The following USP10 variants were observed in gnomAD, a reference collection of about 807,000 sequenced individuals.
The protein encoded by USP10 is ubiquitin carboxyl-terminal hydrolase 10.
USP10 carries 22 observed loss-of-function variants against 84.5 expected under a neutral mutation model. The observed-to-expected ratio is 0.26, with a 90% confidence interval of 0.19 to 0.37. USP10 has a LOEUF of 0.37. USP10 is among the 10% of genes least tolerant of loss of function. The pLI is 1.00. For synonymous variants in USP10, 454 were observed against 387.6 expected, an observed-to-expected ratio of 1.17 and a Z score of -2.01; for missense variants, 1,019 against 998.9, an observed-to-expected ratio of 1.02 and a Z score of -0.27.
intron 1 of USP10, among the ~76,000 whole-genome samples, chr16:84,700,321 C>T (rs1432391885): frequency 2.0e-5 from 3 of 151,996 alleles, no homozygotes; most frequent in Admixed American, 6.5e-5. Flanking sequence ...CCCCCTAGTC[C>T]CGGGGAGGTC....
intron 11 of USP10, among the ~76,000 whole-genome samples, chr16:84,770,257 G>C (rs529192380): frequency 2.2e-3 from 335 of 152,288 alleles, no homozygotes; most frequent in Non-Finnish European, 3.3e-3. Flanking sequence ...AGATGTTTCA[G>C]GAAGATTTGG....
rs945330756 is a variant in USP10, at chr16:84,724,859, C to G, written c.22-8576C>G. Among the ~76,000 whole-genome samples the G allele has an allele frequency of 2.6e-5, 4 of 152,270 alleles. No individual in the cohort carries two copies. In the South Asian group the frequency reaches 8.3e-4, roughly 32 times the overall value. On this transcript the variant is annotated intron_variant, in intron 1 of 13. Coordinates refer to ENST00000219473, the MANE Select transcript of USP10 (RefSeq NM_005153.3). ...TCACTAGTTGATGATAGTGTCATCT[C>G]CAGATGTCCTCAGAACCACCCACAC... is the stretch of plus-strand genomic sequence containing the variant.
At chr16:84,735,233 GT>G (rs1567612907) in intron 2 of USP10, among the ~76,000 whole-genome samples, 19 of 122,176 alleles carry the variant, frequency 1.6e-4, no homozygotes, top group South Asian at 2.8e-4. Flanking sequence ...GTGTGTGTGT[GT>G]GTGGTGTGTG....
chr16:84,728,945 C>T (rs1051758898), intron 1 of USP10, among the ~76,000 whole-genome samples: 1 of 151,176 alleles, frequency 6.6e-6, no homozygotes, highest in Non-Finnish European at 1.5e-5. Context: ...ATTACAGGCA[C>T]CCACCACCAT....
At chr16:84,733,562 C>A in intron 2 of USP10, 59 bp downstream of exon 2, 1 of 1,228,056 alleles carries the variant, frequency 8.1e-7, no homozygotes, top group Non-Finnish European at 1.1e-6. Context: ...AGTTATGTTT[C>A]TATTTTAATT....
chr16:84,724,361 A>G (rs979047622), intron 1 of USP10, among the ~76,000 whole-genome samples: 1 of 152,222 alleles, frequency 6.6e-6, no homozygotes, highest in African/African-American at 2.4e-5. Context: ...CTTAATATAC[A>G]GCCAACCTGT....
At chr16:84,713,475 CGT>C (rs926994221) in intron 1 of USP10, among the ~76,000 whole-genome samples, 5 of 152,102 alleles carry the variant, frequency 3.3e-5, no homozygotes, top group African/African-American at 1.2e-4. Flanking sequence ...GCTATCCTGA[CGT>C]GTGTGTCTGG....
intron 1 of USP10, among the ~76,000 whole-genome samples, chr16:84,732,824 A>C (rs1457386408): frequency 6.6e-6 from 1 of 152,206 alleles, no homozygotes; most frequent in Non-Finnish European, 1.5e-5. Flanking sequence ...CGTGCAGTTT[A>C]ACCACTTCGT....
chr16:84,721,342 G>A (rs146764509), intron 1 of USP10, among the ~76,000 whole-genome samples: 9 of 152,268 alleles, frequency 5.9e-5, no homozygotes, highest in Admixed American at 2.0e-4. Context: ...CAAATAGAGC[G>A]TACTGAGGAA....
intron 3 of USP10, among the ~76,000 whole-genome samples, chr16:84,741,898 C>T (rs1043156241): frequency 6.6e-6 from 1 of 152,206 alleles, no homozygotes; most frequent in African/African-American, 2.4e-5. Flanking sequence ...GTGTCTGTCA[C>T]TGCGCCTGTA....
chr16:84,759,186 C>G (rs746285028), intron 5 of USP10, 177 bp from the exon 6 acceptor site: 3 of 646,560 alleles, frequency 4.6e-6, no homozygotes, highest in Non-Finnish European at 5.6e-6. Flanking sequence ...ATATGGACAT[C>G]ACAGGACACT....
rs76444989 is a variant in USP10 at position 84,766,168 on chromosome 16, G to T, written c.1832+1905G>T. Among the ~76,000 whole-genome samples, 1,245 of 152,302 alleles carry T rather than the reference G, an allele frequency of 8.2e-3. 9 individuals carry two copies. The highest frequency in any genetic ancestry group is 0.029 in the African/African-American group (1,185 of 41,550). On this transcript the variant is annotated intron_variant, in intron 10 of 13. Coordinates refer to ENST00000219473, the MANE Select transcript of USP10 (RefSeq NM_005153.3). ...ACAACTTTCAACAGGTGAATAATAAGAACCTCAGAAACCTGCGCTGACGCC... is the reference window on the plus strand; with the variant it reads ...ACAACTTTCAACAGGTGAATAATAATAACCTCAGAAACCTGCGCTGACGCC...
At chr16:84,702,657 T>C (rs912576426) in intron 1 of USP10, among the ~76,000 whole-genome samples, 4 of 152,114 alleles carry the variant, frequency 2.6e-5, no homozygotes, top group African/African-American at 4.8e-5. Flanking sequence ...TAAAGTTAAA[T>C]TTGTCACTGA....
At chr16:84,729,170 A>G (rs1908892831) in intron 1 of USP10, among the ~76,000 whole-genome samples, 1 of 152,254 alleles carries the variant, frequency 6.6e-6, no homozygotes, top group Admixed American at 6.5e-5. Context: ...AATGATGCAT[A>G]TGATTTTGTT....
At chr16:84,709,541 T>C (rs916888216) in intron 1 of USP10, among the ~76,000 whole-genome samples, 1 of 152,106 alleles carries the variant, frequency 6.6e-6, no homozygotes, top group African/African-American at 2.4e-5. Flanking sequence ...GATCATACTC[T>C]GCCCAGTGAA....
chr16:84,738,199 C>T (rs551664663), intron 2 of USP10, among the ~76,000 whole-genome samples: 1 of 152,114 alleles, frequency 6.6e-6, no homozygotes, highest in Non-Finnish European at 1.5e-5. Flanking sequence ...TTCTCTCTTC[C>T]CCGAGCAGAA....
At chr16:84,741,210 C>T (rs1027277191) in intron 3 of USP10, among the ~76,000 whole-genome samples, 1 of 152,186 alleles carries the variant, frequency 6.6e-6, no homozygotes, top group Non-Finnish European at 1.5e-5. Context: ...GTTTTATCTC[C>T]AGTAACATCA....
Position 84,740,303 on chromosome 16 carries a change from G to T in USP10, c.91-6G>T, listed in dbSNP as rs1181553314. 6 of 1,607,052 alleles carry T rather than the reference G, an allele frequency of 3.7e-6. No homozygotes were observed. Among genetic ancestry groups the T allele is most frequent in the Admixed American group, 1.7e-5 (1 of 58,964 alleles). On this transcript the variant is annotated splice_region_variant and splice_polypyrimidine_tract_variant and intron_variant, in intron 2 of 13. Coordinates refer to ENST00000219473, the MANE Select transcript of USP10 (RefSeq NM_005153.3). ...ATTAAAATTTGTTTTCTGATTCCTT[G>T]TGCAGCTTCCTCCATACAGTGGAAC...
intron 1 of USP10, among the ~76,000 whole-genome samples, chr16:84,725,726 C>T (rs1306803009): frequency 6.6e-6 from 1 of 152,142 alleles, no homozygotes; most frequent in Non-Finnish European, 1.5e-5. Context: ...TTTTCAAACC[C>T]GTGTTTCTTA....
Sources: allele counts gnomAD v4.1 joint callset (sites outside exome capture counted in the v4.1 genomes callset), GRCh38; gene constraint gnomAD v4.1.1; transcripts MANE v1.5; gene names NCBI Gene and HGNC (gene_info 2026-07-23, HGNC 2026-07-21).